The following FGF18 variants were observed in gnomAD, a reference collection of about 807,000 sequenced individuals.
FGF18 encodes the protein fibroblast growth factor 18.
In FGF18, 5 loss-of-function variants were observed where a neutral mutation model predicts 23.0. The ratio of observed to expected loss-of-function variants is 0.22; its 90% CI spans 0.11 to 0.46. The LOEUF (loss-of-function observed/expected upper bound fraction) is 0.46, where lower values mean the gene tolerates loss of function less well. FGF18 is among the 20% of genes least tolerant of loss of function. The pLI is 0.99. For synonymous variants in FGF18, 117 were observed against 118.9 expected (o/e 0.98, Z 0.10); for missense variants, 180 against 291.6 (o/e 0.62, Z 2.79).
intron 2 of FGF18, among the ~76,000 whole-genome samples, chr5:171,429,412 C>A (rs1261042488): frequency 2.6e-5 from 4 of 152,248 alleles, no homozygotes; most frequent in Non-Finnish European, 4.4e-5. Context: ...CCAACGTGAG[C>A]TTCACTCTCA....
At chr5:171,439,839 T>C (rs1468319650) in intron 3 of FGF18, among the ~76,000 whole-genome samples, 1 of 152,154 alleles carries the variant, frequency 6.6e-6, no homozygotes, top group African/African-American at 2.4e-5. Flanking sequence ...GGAAACCTTA[T>C]GATTGGATAT....
chr5:171,451,575 C>T lies in FGF18; in HGVS notation c.357+2322C>T, dbSNP rs1018117446. Among the ~76,000 whole-genome samples the T allele has an allele frequency of 6.6e-5, 10 of 152,216 alleles. No homozygotes were observed. Among genetic ancestry groups the T allele is most frequent in the East Asian group, 1.9e-4 (1 of 5,190 alleles). On this transcript the variant is annotated intron_variant, in intron 4 of 4. Coordinates refer to ENST00000274625, the MANE Select transcript of FGF18 (RefSeq NM_003862.3). This position sits in a 1 kb window ranked among gnomAD's most constrained non-coding sequence, Gnocchi z 4.5. ...GCTTCTGCATCTCCAGGCCTTTCCC[C>T]GCTGCCCACCTTCGGCTTTCTACAG...
chr5:171,427,556 T>C (rs986767066), intron 2 of FGF18, among the ~76,000 whole-genome samples: 1 of 152,190 alleles, frequency 6.6e-6, no homozygotes, highest in Non-Finnish European at 1.5e-5. Flanking sequence ...TTCCTCCCCA[T>C]GGGCAAAATA....
intron 3 of FGF18, among the ~76,000 whole-genome samples, chr5:171,445,627 A>G (rs1282772325): frequency 6.6e-6 from 1 of 151,176 alleles, no homozygotes; most frequent in Admixed American, 6.6e-5. Flanking sequence ...TGGCCTCCCA[A>G]AGTGCTAGGA....
intron 3 of FGF18, among the ~76,000 whole-genome samples, chr5:171,439,651 C>T (rs1772311112): frequency 6.6e-6 from 1 of 152,050 alleles, no homozygotes; most frequent in African/African-American, 2.4e-5. Flanking sequence ...TCTTTATCTG[C>T]CAAGTGGGGA....
intron 2 of FGF18, among the ~76,000 whole-genome samples, chr5:171,430,773 C>G (rs568063136): frequency 8.5e-6 from 1 of 117,060 alleles, no homozygotes; most frequent in East Asian, 2.4e-4. Flanking sequence ...CCGGCCTGGG[C>G]GACAGAGCAA....
intron 2 of FGF18, among the ~76,000 whole-genome samples, chr5:171,426,934 C>T (rs912303190): frequency 2.0e-5 from 3 of 152,166 alleles, no homozygotes; most frequent in African/African-American, 4.8e-5. Context: ...TCTGGCCGGG[C>T]GTGGTGGCTC....
Position 171,427,911 on chromosome 5 carries a change from C to G in FGF18, c.69+7468C>G, listed in dbSNP as rs77390596. Among the ~76,000 whole-genome samples the G allele has an allele frequency of 2.4e-4, 37 of 152,266 alleles. 1 individual carries two copies. The East Asian group carries it at 7.0e-3, about 29-fold the overall frequency. On this transcript the variant is annotated intron_variant, in intron 2 of 4. Coordinates refer to ENST00000274625, the MANE Select transcript of FGF18 (RefSeq NM_003862.3). ...GGATGGGTGGGTTCTGGGCCCAGCA[C>G]GCTTCAGTTGGCCGTGTGACCGAGT...
intron 2 of FGF18, among the ~76,000 whole-genome samples, chr5:171,432,165 C>A (rs1168882449): frequency 3.9e-5 from 6 of 152,186 alleles, no homozygotes; most frequent in Admixed American, 3.3e-4. Context: ...ATTGACTGTT[C>A]TGGGAAGACC....
chr5:171,422,745 C>T (rs2113325313), intron 2 of FGF18, among the ~76,000 whole-genome samples: 1 of 152,274 alleles, frequency 6.6e-6, no homozygotes, highest in Middle Eastern at 3.4e-3. Flanking sequence ...TAGCGGGTAG[C>T]AGTTCAAGCT....
At chr5:171,443,573 G>A (rs1178070555) in intron 3 of FGF18, among the ~76,000 whole-genome samples, 3 of 119,278 alleles carry the variant, frequency 2.5e-5, no homozygotes, top group South Asian at 2.7e-4. Context: ...GGATGGTCTC[G>A]ATTCCTGATC....
chr5:171,430,744 C>T (rs1233866077), intron 2 of FGF18, among the ~76,000 whole-genome samples: 5 of 143,898 alleles, frequency 3.5e-5, no homozygotes, highest in Admixed American at 7.2e-5. Flanking sequence ...GCCGAGATTG[C>T]GCCACTGCAG....
At chr5:171,453,471 G>T (rs942064968) in intron 4 of FGF18, among the ~76,000 whole-genome samples, 1 of 152,146 alleles carries the variant, frequency 6.6e-6, no homozygotes, top group Admixed American at 6.5e-5. Context: ...GCCTGGGGGA[G>T]GCGAGATGTT....
intron 3 of FGF18, among the ~76,000 whole-genome samples, chr5:171,443,794 A>T (rs906034656): frequency 1.1e-4 from 17 of 152,232 alleles, no homozygotes; most frequent in Non-Finnish European, 1.9e-4. Flanking sequence ...ATGCCGGAGA[A>T]GGGAGCAGAT....
chr5:171,420,244 G>A lies in FGF18; in HGVS notation c.32+13G>A. Reference sequence around the variant, plus strand: ...CCTGCACTTGCCTGTAAGCGCCCGCGCGCGGGGCTGCCCACCTTGCCTGGC... The same window carrying A: ...CCTGCACTTGCCTGTAAGCGCCCGCACGCGGGGCTGCCCACCTTGCCTGGC... On this transcript the variant is annotated intron_variant, in intron 1 of 4. Coordinates refer to ENST00000274625, the MANE Select transcript of FGF18 (RefSeq NM_003862.3). 2 of 1,583,450 alleles carry A rather than the reference G, an allele frequency of 1.3e-6. No homozygotes were observed. Among genetic ancestry groups the A allele is most frequent in the Non-Finnish European group, 1.7e-6 (2 of 1,167,652 alleles).
Position 171,420,251 on chromosome 5 carries a change from G to A in FGF18, c.32+20G>A, listed in dbSNP as rs1239826539. ...TTGCCTGTAAGCGCCCGCGCGCGGGGCTGCCCACCTTGCCTGGCTGTCTGT... is the reference window on the plus strand; with the variant it reads ...TTGCCTGTAAGCGCCCGCGCGCGGGACTGCCCACCTTGCCTGGCTGTCTGT... On this transcript the variant is annotated intron_variant, in intron 1 of 4. Coordinates refer to ENST00000274625, the MANE Select transcript of FGF18 (RefSeq NM_003862.3). The A allele has an allele frequency of 6.3e-7, 1 of 1,588,848 alleles. No homozygotes were observed. Among genetic ancestry groups the A allele is most frequent in the Non-Finnish European group, 8.5e-7 (1 of 1,170,202 alleles).
intron 3 of FGF18, among the ~76,000 whole-genome samples, chr5:171,442,845 CA>C (rs1408923307): frequency 6.6e-6 from 1 of 152,176 alleles, no homozygotes; most frequent in Non-Finnish European, 1.5e-5. Flanking sequence ...ATTAGTCAAC[CA>C]ATCAATCAGT....
chr5:171,435,377 G>A (rs1156256864), intron 2 of FGF18, among the ~76,000 whole-genome samples: 2 of 152,198 alleles, frequency 1.3e-5, no homozygotes. Flanking sequence ...CACGATATGT[G>A]TTGGTATAAC....
chr5:171,435,970 C>A, intron 2 of FGF18, 123 bp from the exon 3 acceptor site: 1 of 731,678 alleles, frequency 1.4e-6, no homozygotes, highest in Non-Finnish European at 2.0e-6. Context: ...TCAGTGTGTG[C>A]CACGGCCTGG....
Sources: gnomAD v4.1 joint callset for allele counts (sites outside exome capture counted in the v4.1 genomes callset) on GRCh38, gnomAD v4.1.1 for gene constraint, Gnocchi (gnomAD v3.1) non-coding constraint, MANE v1.5 for transcripts, NCBI Gene and HGNC (gene_info 2026-07-23, HGNC 2026-07-21) for gene names.